Variants in B4GALT1 observed in about 807,000 individuals in gnomAD.
B4GALT1 encodes beta-1,4-galactosyltransferase 1.
In B4GALT1, 16 loss-of-function variants were observed where a neutral mutation model predicts 34.9. The ratio of observed to expected loss-of-function variants is 0.46; its 90% CI spans 0.31 to 0.70. The LOEUF is 0.70. Among genes scored for constraint, B4GALT1 ranks in the 30% least tolerant of loss-of-function variants. The pLI is 0.05. For missense variants in B4GALT1, 445 were observed against 530.5 expected, an observed-to-expected ratio of 0.84 and a Z score of 1.58; for synonymous variants, 221 against 218.1, an observed-to-expected ratio of 1.01 and a Z score of -0.12.
At chr9:33,117,967 C>T (rs7865362) in intron 3 of B4GALT1, among the ~76,000 whole-genome samples, 69,796 of 152,040 alleles carry the variant, frequency 0.46, 17,408 homozygotes, top group East Asian at 0.7. Context: ...TGCTTTCTCT[C>T]CCCTATCTGC....
At chr9:33,108,272 C>T (rs1839816339), downstream of B4GALT1, among the ~76,000 whole-genome samples, 2 of 151,926 alleles carry the variant, frequency 1.3e-5, no homozygotes, top group South Asian at 4.2e-4. Context: ...TGAATCCAGC[C>T]TGGGCAACAT....
At chr9:33,177,797 C>T in the B4GALT1 span, among the ~76,000 whole-genome samples, 2 of 152,098 alleles carry the variant, frequency 1.3e-5, no homozygotes, top group African/African-American at 2.4e-5. Flanking sequence ...TCTGGAGGTA[C>T]AAATGACCTT....
At chr9:33,183,953 G>A in the B4GALT1 span, among the ~76,000 whole-genome samples, 1 of 152,042 alleles carries the variant, frequency 6.6e-6, no homozygotes, top group African/African-American at 2.4e-5. Flanking sequence ...CACTTGTTAA[G>A]TGGGAGTTGA....
At chr9:33,140,086 C>T (rs1840326899) in intron 1 of B4GALT1, among the ~76,000 whole-genome samples, 1 of 152,222 alleles carries the variant, frequency 6.6e-6, no homozygotes, top group Admixed American at 6.5e-5. Flanking sequence ...CTGCCTGGCA[C>T]AGCAAACCCA....
chr9:33,138,243 G>A (rs1350775889), intron 1 of B4GALT1, among the ~76,000 whole-genome samples: 1 of 152,166 alleles, frequency 6.6e-6, no homozygotes, highest in Non-Finnish European at 1.5e-5. Context: ...GAGATGCCTG[G>A]GCCCCGGTCC....
chr9:33,145,270 T>A (rs1840409467), intron 1 of B4GALT1, among the ~76,000 whole-genome samples: 1 of 152,328 alleles, frequency 6.6e-6, no homozygotes, highest in East Asian at 1.9e-4. Context: ...TGACACTTTG[T>A]GGCAACGGAT....
chr9:33,109,994 C>G (rs994188626), downstream of B4GALT1, among the ~76,000 whole-genome samples: 1 of 152,216 alleles, frequency 6.6e-6, no homozygotes, highest in Non-Finnish European at 1.5e-5. Context: ...AGATCTGAAC[C>G]CCAGGCCACC....
intron 3 of B4GALT1, among the ~76,000 whole-genome samples, chr9:33,118,144 A>C (rs1319512685): frequency 1.3e-5 from 2 of 152,226 alleles, no homozygotes; most frequent in African/African-American, 4.8e-5. Flanking sequence ...ACACACACGG[A>C]GAGGGAGGAA....
intron 1 of B4GALT1, among the ~76,000 whole-genome samples, chr9:33,155,411 G>A (rs1266261520): frequency 3.3e-5 from 5 of 152,194 alleles, no homozygotes; most frequent in Non-Finnish European, 7.3e-5. Context: ...TCTCACCTAA[G>A]ACTCAATCAA....
At chr9:33,184,730 T>C in the B4GALT1 span, among the ~76,000 whole-genome samples, 2 of 152,184 alleles carry the variant, frequency 1.3e-5, no homozygotes, top group Non-Finnish European at 2.9e-5. Context: ...GCTGCAACGC[T>C]CTAAACCATC....
chr9:33,170,318 G>A (rs1462998965), upstream of B4GALT1, among the ~76,000 whole-genome samples: 1 of 152,124 alleles, frequency 6.6e-6, no homozygotes, highest in Non-Finnish European at 1.5e-5. Flanking sequence ...TTAATGATGT[G>A]GGAAGGAGAG....
intron 1 of B4GALT1, among the ~76,000 whole-genome samples, chr9:33,137,548 C>T (rs1275626397): frequency 6.6e-6 from 1 of 152,158 alleles, no homozygotes; most frequent in Non-Finnish European, 1.5e-5. Context: ...CAGAGAAGAC[C>T]AGGACTCAGT....
In B4GALT1 at chr9:33,120,693, C is replaced by A. The variant is rs113956041; in HGVS notation, c.649-87G>T. 8.4e-5 allele frequency: 116 copies of A among 1,377,806 alleles called. 1 individual carries two copies. The African/African-American group carries it at 1.3e-3, about 16-fold the overall frequency. The allele number at this position is 1,377,806 out of a possible 1,614,324, so 85.3% of individuals were successfully genotyped here. ...AGGGACTGGTGACTTGTCCACTACA[C>A]ATGGTCACTAGGAAACTCTTGGGCC... On this transcript the variant is annotated intron_variant, in intron 2 of 5. Transcript: ENST00000379731.
upstream of B4GALT1, among the ~76,000 whole-genome samples, chr9:33,170,808 A>T (rs1309066469): frequency 2.0e-5 from 3 of 152,226 alleles, no homozygotes; most frequent in African/African-American, 7.2e-5. Context: ...GACCCAGGCA[A>T]CCTTTCTCCC....
the B4GALT1 span, among the ~76,000 whole-genome samples, chr9:33,177,787 T>C: frequency 6.6e-6 from 1 of 152,178 alleles, no homozygotes; most frequent in Non-Finnish European, 1.5e-5. Context: ...TGGTAGAATG[T>C]CTGGAGGTAC....
intron 1 of B4GALT1, among the ~76,000 whole-genome samples, chr9:33,157,063 T>TACACACACACACACACACACAC (rs371027641): frequency 0.013 from 1,165 of 87,292 alleles, 106 homozygotes; most frequent in East Asian, 0.037. Context: ...CATAGGGAAC[T>TACACACACACACACACACACAC]ACACACACAC....
At chr9:33,161,833 G>C (rs78611512) in intron 1 of B4GALT1, among the ~76,000 whole-genome samples, 1,998 of 152,272 alleles carry the variant, frequency 0.013, 17 homozygotes, top group Non-Finnish European at 0.02. Context: ...AGAACAAAGA[G>C]TAAGAAACAA....
chr9:33,136,387 A>G (rs1840273267), intron 1 of B4GALT1, among the ~76,000 whole-genome samples: 1 of 152,170 alleles, frequency 6.6e-6, no homozygotes, highest in African/African-American at 2.4e-5. Flanking sequence ...CAACACAGGG[A>G]ATCAAGGCTC....
At chr9:33,126,602 T>G (rs1840101549) in intron 2 of B4GALT1, among the ~76,000 whole-genome samples, 1 of 152,262 alleles carries the variant, frequency 6.6e-6, no homozygotes, top group Non-Finnish European at 1.5e-5. Context: ...TTAAACATTG[T>G]TAACTATTGT....
Sources: gnomAD v4.1 joint callset for allele counts (sites outside exome capture counted in the v4.1 genomes callset) on GRCh38, gnomAD v4.1.1 for gene constraint, MANE v1.5 for transcripts, NCBI Gene and HGNC (gene_info 2026-07-23, HGNC 2026-07-21) for gene names.